The following USP45 variants were observed in gnomAD, a reference collection of about 807,000 sequenced individuals.
USP45 encodes ubiquitin specific peptidase 45.
In USP45, 89 loss-of-function variants were observed where a neutral mutation model predicts 95.8. The observed-to-expected ratio is 0.93, with a 90% CI of 0.78 to 1.11. USP45 has a LOEUF of 1.11. Among genes scored for constraint, USP45 ranks in the 50% least tolerant of loss-of-function variants. The pLI is 0.00. For missense variants in USP45, 898 were observed against 942.5 expected (o/e 0.95, Z 0.62); for synonymous variants, 281 against 316.2 (o/e 0.89, Z 1.18).
At chr6:99,469,186 T>C (rs1042451473) in intron 9 of USP45, among the ~76,000 whole-genome samples, 3 of 152,012 alleles carry the variant, frequency 2.0e-5, no homozygotes. Context: ...TTGAACTTAG[T>C]TGTCAATAAT....
intron 13 of USP45, chr6:99,460,992 C>T: frequency 1.0e-6 from 1 of 985,254 alleles, no homozygotes; most frequent in Non-Finnish European, 1.2e-6. Flanking sequence ...TCTCAAAGAG[C>T]TTAATTGGCA....
At chr6:99,442,241 T>C (rs1281883340) in intron 15 of USP45, among the ~76,000 whole-genome samples, 2 of 152,228 alleles carry the variant, frequency 1.3e-5, no homozygotes, top group Non-Finnish European at 2.9e-5. Flanking sequence ...GGCATTATCC[T>C]CTCTTATTCA....
chr6:99,443,394 A>G (rs978553105), intron 15 of USP45, among the ~76,000 whole-genome samples, 171 bp downstream of exon 15: 2 of 152,246 alleles, frequency 1.3e-5, no homozygotes, highest in African/African-American at 4.8e-5. Context: ...AAACAATTTT[A>G]ATCAGGAAAG....
chr6:99,505,441 G>A (rs1246815197), intron 4 of USP45, among the ~76,000 whole-genome samples: 1 of 152,002 alleles, frequency 6.6e-6, no homozygotes, highest in African/African-American at 2.4e-5. Flanking sequence ...CAAGGCGGGA[G>A]GATCACTTGA....
chr6:99,497,094 T>A (rs1796455943), intron 5 of USP45, among the ~76,000 whole-genome samples: 1 of 152,104 alleles, frequency 6.6e-6, no homozygotes. Flanking sequence ...CACCCCTTCT[T>A]CCCCTCAACC....
At chr6:99,486,992 G>A (rs1019817926) in intron 7 of USP45, among the ~76,000 whole-genome samples, 1 of 152,126 alleles carries the variant, frequency 6.6e-6, no homozygotes, top group African/African-American at 2.4e-5. Flanking sequence ...ACGCAGCATG[G>A]GGAACCACAG....
chr6:99,462,571 A>G, intron 13 of USP45: 7 of 985,432 alleles, frequency 7.1e-6, no homozygotes, highest in Non-Finnish European at 8.4e-6. Context: ...GCATATGCTC[A>G]AATTGAATTT....
At chr6:99,468,317 G>A (rs1788483947) in intron 10 of USP45, 3 of 530,976 alleles carry the variant, frequency 5.6e-6, no homozygotes, top group African/African-American at 1.9e-5. Flanking sequence ...GTGTCAATCT[G>A]TATACTTGGT....
At position 99,435,474 on chromosome 6, in the gene USP45, G is replaced by T. The variant is rs1277051388; in HGVS notation, c.*242C>A. ...CCTTTCCTACTGTAAATTCTGGGAAGTTTTTGTACCCCAGAATAAATACCT... is the reference window on the plus strand; with the variant it reads ...CCTTTCCTACTGTAAATTCTGGGAATTTTTTGTACCCCAGAATAAATACCT... On this transcript the variant is annotated 3_prime_UTR_variant, in exon 18 of 18. Coordinates refer to ENST00000500704, the MANE Select transcript of USP45 (RefSeq NM_001346022.3). The T allele has an allele frequency of 3.2e-6, 1 of 316,580 alleles. No homozygotes were observed. The highest frequency in any genetic ancestry group is 5.7e-6 in the Non-Finnish European group (1 of 175,734). The allele number at this position is 316,580 out of a possible 1,614,324, so 19.6% of individuals were successfully genotyped here. A position where few individuals can be genotyped will look rare whatever the true frequency, so the allele number is the denominator to read the frequency against.
In USP45 at chr6:99,435,702, A is replaced by T; in HGVS notation, c.*14T>A. On this transcript the variant is annotated 3_prime_UTR_variant, in exon 18 of 18. Transcript: ENST00000500704. Reference sequence around the variant, plus strand: ...TCAAAAACAAATGACCTAAATAATCATTACCATTAATAGTTATAATACTCT... The same window carrying T: ...TCAAAAACAAATGACCTAAATAATCTTTACCATTAATAGTTATAATACTCT... 1.2e-6 allele frequency: 2 copies of T among 1,605,536 alleles called. No individual in the cohort carries two copies.
chr6:99,463,550 T>C (rs1446156327), intron 13 of USP45, among the ~76,000 whole-genome samples: 1 of 151,682 alleles, frequency 6.6e-6, no homozygotes, highest in African/African-American at 2.4e-5. Flanking sequence ...TGAAAAGAGA[T>C]TTAAGAGACA....
chr6:99,451,276 T>A (rs1273676373), intron 13 of USP45, among the ~76,000 whole-genome samples: 1 of 152,202 alleles, frequency 6.6e-6, no homozygotes, highest in Non-Finnish European at 1.5e-5. Context: ...ACTGTATATT[T>A]AGAAAACCCC....
chr6:99,482,607 G>T (rs916268362), intron 8 of USP45, 146 bp downstream of exon 8: 2 of 694,796 alleles, frequency 2.9e-6, no homozygotes, highest in Non-Finnish European at 4.5e-6. Context: ...TTTTCATAAA[G>T]CATAGAGCTG....
intron 5 of USP45, among the ~76,000 whole-genome samples, chr6:99,490,531 C>A (rs1013878540): frequency 3.3e-5 from 5 of 151,698 alleles, no homozygotes; most frequent in African/African-American, 1.2e-4. Context: ...TCACCTAATA[C>A]TGACATGCTG....
Position 99,464,674 on chromosome 6 carries a change from C to CT in USP45, c.1237dup (p.Ser413LysfsTer13). The CT allele has an allele frequency of 6.2e-7, 1 of 1,613,164 alleles. No individual in the cohort carries two copies. ...AATATTTTCTATAGTAACATTGCCA[C>CT]TGTATCGATCATGATCTGTCTCCCG... On this transcript the variant is annotated frameshift_variant, in exon 13 of 18. Coordinates refer to ENST00000500704, the MANE Select transcript of USP45 (RefSeq NM_001346022.3). LOFTEE classifies it high-confidence loss of function.
At chr6:99,517,159 T>C (rs1583540943), upstream of USP45, among the ~76,000 whole-genome samples, 1 of 152,180 alleles carries the variant, frequency 6.6e-6, no homozygotes, top group African/African-American at 2.4e-5. Flanking sequence ...TTTCACTTAA[T>C]TGAATGTAAA....
intron 5 of USP45, among the ~76,000 whole-genome samples, chr6:99,491,521 T>G (rs1795175855): frequency 6.6e-6 from 1 of 152,184 alleles, no homozygotes; most frequent in Non-Finnish European, 1.5e-5. Context: ...ATTACTCAAT[T>G]TTTTCAGGCT....
At chr6:99,498,189 C>T (rs530426465) in intron 5 of USP45, among the ~76,000 whole-genome samples, 88 of 152,266 alleles carry the variant, frequency 5.8e-4, no homozygotes, top group African/African-American at 2.0e-3. Context: ...TCTAATGCAG[C>T]ATCTGGTACA....
chr6:99,495,314 A>G (rs2128753277), intron 5 of USP45, among the ~76,000 whole-genome samples: 1 of 152,350 alleles, frequency 6.6e-6, no homozygotes, highest in South Asian at 2.1e-4. Flanking sequence ...TTTGTTGTGA[A>G]GTAATACTAA....
Sources: gnomAD v4.1 joint callset for allele counts (sites outside exome capture counted in the v4.1 genomes callset) on GRCh38, gnomAD v4.1.1 for gene constraint, MANE v1.5 for transcripts, NCBI Gene and HGNC (gene_info 2026-07-23, HGNC 2026-07-21) for gene names.